PHF5A: variants seen among roughly 807,000 people sequenced by gnomAD.
PHF5A encodes the protein PHD finger protein 5A, also known as PHD finger-like domain-containing protein 5A.
For synonymous variants in PHF5A, 52 were observed against 46.0 expected, an observed-to-expected ratio of 1.13 and a Z score of -0.52; for missense variants, 24 against 140.6, an observed-to-expected ratio of 0.17 and a Z score of 4.19.
chr22:41,467,357 G>T, intron 3 of PHF5A, 91 bp downstream of exon 3: 5 of 1,271,968 alleles, frequency 3.9e-6, no homozygotes, highest in Non-Finnish European at 5.5e-6. Flanking sequence ...GATGAACACA[G>T]TAATCTCCAT....
intron 3 of PHF5A, among the ~76,000 whole-genome samples, chr22:41,462,270 C>A (rs915131663): frequency 1.3e-5 from 2 of 152,162 alleles, no homozygotes; most frequent in African/African-American, 2.4e-5. Context: ...TTATTAAACA[C>A]CCATGTCAGA....
At chr22:41,467,398 G>C (rs761816879) in intron 3 of PHF5A, 50 bp downstream of exon 3, 64 of 1,573,442 alleles carry the variant, frequency 4.1e-5, no homozygotes, top group Non-Finnish European at 5.5e-5. Flanking sequence ...GGATGGCAAA[G>C]TGTTACTAAA....
Position 41,468,671 on chromosome 22 carries a change from G to A in PHF5A, c.-18C>T, listed in dbSNP as rs1391421251. On this transcript the variant is annotated 5_prime_UTR_variant, in exon 1 of 4. Transcript: ENST00000216252. ...TTAGCCATAGCTCCTAACTAAGCCG[G>A]CCACCGGAAGCTTCGGGAACTTCCG... The A allele has an allele frequency of 3.7e-6, 6 of 1,613,782 alleles. No homozygotes were observed. The South Asian group carries it at 6.6e-5, about 18-fold the overall frequency.
chr22:41,464,180 CA>C (rs1218176412), intron 3 of PHF5A, among the ~76,000 whole-genome samples: 2 of 152,174 alleles, frequency 1.3e-5, no homozygotes, highest in East Asian at 3.8e-4. Context: ...GATGTGGCAC[CA>C]TAAGAACCTA....
chr22:41,461,609 C>T (rs1368547232), intron 3 of PHF5A, among the ~76,000 whole-genome samples: 1 of 152,070 alleles, frequency 6.6e-6, no homozygotes, highest in Non-Finnish European at 1.5e-5. Flanking sequence ...CCGCCTGCCT[C>T]AGCCTCCCAA....
chr22:41,468,400 G>A (rs112155496), intron 1 of PHF5A: 16 of 644,694 alleles, frequency 2.5e-5, no homozygotes, highest in African/African-American at 1.1e-4. Flanking sequence ...CCCGATACCT[G>A]CCTGGGGCTC....
At position 41,467,683 on chromosome 22, in the gene PHF5A, A is replaced by G; in HGVS notation, c.77-69T>C. 4.8e-6 allele frequency: 4 copies of G among 830,762 alleles called. No homozygotes were observed. The South Asian group carries it at 7.6e-5, about 16-fold the overall frequency. 51.5% of individuals were successfully genotyped at this position (830,762 alleles called of 1,614,324 possible). ...CTCTGCTATCTCCTGCCATGGGGAA[A>G]TATACTAGTCTCCTGGGAAATACAC... is the stretch of plus-strand genomic sequence containing the variant. On this transcript the variant is annotated intron_variant, in intron 2 of 3. Coordinates refer to ENST00000216252, the MANE Select transcript of PHF5A (RefSeq NM_032758.4).
At chr22:41,467,425 C>G (rs748960479) in intron 3 of PHF5A, 23 bp downstream of exon 3, 2 of 1,611,158 alleles carry the variant, frequency 1.2e-6, no homozygotes, top group East Asian at 2.2e-5. Flanking sequence ...GAGGAAAGGT[C>G]AGATGGAAAG....
chr22:41,463,732 A>AAG (rs2037844546), intron 3 of PHF5A, among the ~76,000 whole-genome samples: 1 of 149,810 alleles, frequency 6.7e-6, no homozygotes. Flanking sequence ...CTCAAAAAAA[A>AAG]AAAAAAAAAA....
chr22:41,468,678 G>A lies in PHF5A; in HGVS notation c.-25C>T, dbSNP rs371349145. 2.5e-6 allele frequency: 4 copies of A among 1,612,862 alleles called. No homozygotes were observed. The highest frequency in any genetic ancestry group is 3.4e-6 in the Non-Finnish European group (4 of 1,178,928). On this transcript the variant is annotated 5_prime_UTR_variant, in exon 1 of 4. Transcript: ENST00000216252. ...TAGCTCCTAACTAAGCCGGCCACCG[G>A]AAGCTTCGGGAACTTCCGTCCGACC...
chr22:41,460,196 C>T lies in PHF5A; in HGVS notation c.*202G>A. 2.1e-6 allele frequency: 1 copy of T among 474,380 alleles called. No homozygotes were observed. The highest frequency in any genetic ancestry group is 4.2e-5 in the South Asian group (1 of 24,096). 29.4% of individuals were successfully genotyped at this position (474,380 alleles called of 1,614,324 possible). A position where few individuals can be genotyped will look rare whatever the true frequency, so the allele number is the denominator to read the frequency against. On this transcript the variant is annotated 3_prime_UTR_variant, in exon 4 of 4. Transcript: ENST00000216252. Reference sequence around the variant, plus strand: ...TCAAGTTTTCTCCGATATGGTGTGCCAGAGTGCTCTGTGAAGAATCCTTTT... The same window carrying T: ...TCAAGTTTTCTCCGATATGGTGTGCTAGAGTGCTCTGTGAAGAATCCTTTT...
chr22:41,467,361 TCTC>T (rs1361828246), intron 3 of PHF5A, 84 bp downstream of exon 3: 23 of 1,300,700 alleles, frequency 1.8e-5, no homozygotes, highest in Non-Finnish European at 2.5e-5. Context: ...AACACAGTAA[TCTC>T]CATAGACCAT....
At chr22:41,468,318 G>C (rs1176294605) in intron 1 of PHF5A, 171 bp from the exon 2 acceptor site, 18 of 677,738 alleles carry the variant, frequency 2.7e-5, no homozygotes, top group Non-Finnish European at 4.6e-5. Context: ...CTACATCCAA[G>C]CACCCTCCTG....
At chr22:41,460,724 G>A (rs1390806513) in intron 3 of PHF5A, among the ~76,000 whole-genome samples, 2 of 148,060 alleles carry the variant, frequency 1.4e-5, no homozygotes. Flanking sequence ...CCCATCTCTT[G>A]AAAAAAAAAA....
intron 3 of PHF5A, among the ~76,000 whole-genome samples, chr22:41,463,724 CAAAAAA>C (rs11387908): frequency 3.4e-5 from 2 of 59,066 alleles, no homozygotes; most frequent in African/African-American, 1.5e-4. Flanking sequence ...GACTCTGTCT[CAAAAAA>C]AAAAAAAAAA....
intron 1 of PHF5A, 65 bp downstream of exon 1, chr22:41,468,537 C>T: frequency 6.4e-7 from 1 of 1,554,794 alleles, no homozygotes; most frequent in Non-Finnish European, 8.9e-7. Context: ...GAGACGGGAA[C>T]CCCCGACCCC....
rs372071367 is a variant in PHF5A, at chr22:41,460,369, G to C, written c.*29C>G. The C allele has an allele frequency of 1.1e-5, 17 of 1,557,726 alleles. No homozygotes were observed. The highest frequency in any genetic ancestry group is 1.5e-5 in the Non-Finnish European group (17 of 1,136,880). On this transcript the variant is annotated 3_prime_UTR_variant, in exon 4 of 4. Transcript: ENST00000216252. ...TTTCTGGCAGCTGCAGCAGACTGATGTTGGGGGGAGGAAGGGGCCACCCAC... is the reference window on the plus strand; with the variant it reads ...TTTCTGGCAGCTGCAGCAGACTGATCTTGGGGGGAGGAAGGGGCCACCCAC...
intron 2 of PHF5A, 132 bp downstream of exon 2, chr22:41,467,992 T>C (rs1260854058): frequency 1.6e-5 from 15 of 933,278 alleles, no homozygotes; most frequent in Non-Finnish European, 2.5e-5. Context: ...GGCCTTTGGC[T>C]AAAGTGCAGC....
chr22:41,460,498 G>C lies in PHF5A; in HGVS notation c.244-11C>G, dbSNP rs1292273403. 1.8e-5 allele frequency: 29 copies of C among 1,584,516 alleles called. No individual in the cohort carries two copies. The highest frequency in any genetic ancestry group is 2.3e-5 in the South Asian group (2 of 87,346). On this transcript the variant is annotated splice_polypyrimidine_tract_variant and intron_variant, in intron 3 of 3. Coordinates refer to ENST00000216252, the MANE Select transcript of PHF5A (RefSeq NM_032758.4). Reference sequence around the variant, plus strand: ...TGGGCAGCCATCTCTCTGGAAAACAGAACAGAGAAGTTGTTAAGTCTTTGA... The same window carrying C: ...TGGGCAGCCATCTCTCTGGAAAACACAACAGAGAAGTTGTTAAGTCTTTGA...
Sources: gnomAD v4.1 joint callset for allele counts (sites outside exome capture counted in the v4.1 genomes callset) on GRCh38, gnomAD v4.1.1 for gene constraint, MANE v1.5 for transcripts, NCBI Gene and HGNC (gene_info 2026-07-23, HGNC 2026-07-21) for gene names.